RBFOX1: variants seen among roughly 807,000 people sequenced by gnomAD.
RBFOX1 encodes the protein RNA binding fox-1 homolog 1.
RBFOX1 carries 8 observed loss-of-function variants against 57.7 expected under a neutral mutation model. The observed-to-expected ratio is 0.14, with a 90% CI of 0.08 to 0.25. The LOEUF (loss-of-function observed/expected upper bound fraction) is 0.25. RBFOX1 is among the 10% of genes least tolerant of loss of function. The pLI, the probability that RBFOX1 is intolerant of heterozygous loss-of-function variation, is 1.00. For missense variants in RBFOX1, 611 were observed against 548.5 expected (o/e 1.11, Z -1.14); for synonymous variants, 326 against 222.4 (o/e 1.47, Z -4.15).
At position 5,262,134 on chromosome 16, in the gene RBFOX1, C is replaced by T. The variant is rs191883179; in HGVS notation, c.219+22029C>T. Among the ~76,000 whole-genome samples the T allele has an allele frequency of 7.0e-3, 1,070 of 152,274 alleles. 12 individuals carry two copies. Among genetic ancestry groups the T allele is most frequent in the African/African-American group, 0.025 (1,021 of 41,542 alleles). ...TAATATTTGGGGTTAGCAGGGAAGG[C>T]TTAGTTAAGAGGTAACATTTGAACT... On this transcript the variant is annotated intron_variant, in intron 1 of 2. Transcript: ENST00000585867.
At position 6,767,944 on chromosome 16, in the gene RBFOX1, TAATAAGAAGAAGAAG is replaced by T. The variant is rs1266339784; in HGVS notation, c.-16+113297_-16+113311del. On this transcript the variant is annotated intron_variant, in intron 3 of 15. Coordinates refer to ENST00000550418, the MANE Select transcript of RBFOX1 (RefSeq NM_018723.4). ...ATAATAATAATAATAATAATAATAA[TAATAAGAAGAAGAAG>T]AAGAAGAAGAAGAAGAAGAAGAAGA... Among the ~76,000 whole-genome samples the T allele has an allele frequency of 2.4e-3, 207 of 86,640 alleles. 1 individual carries two copies. In the East Asian group the frequency reaches 0.029, roughly 12 times the overall value. The allele number at this position is 86,640 out of a possible 152,430, so 56.8% of individuals were successfully genotyped here. A position where few individuals can be genotyped will look rare whatever the true frequency, so the allele number is the denominator to read the frequency against.
intron 5 of RBFOX1, among the ~76,000 whole-genome samples, chr16:7,541,387 AC>A (rs1220215066): frequency 4.6e-5 from 7 of 152,006 alleles, no homozygotes; most frequent in Admixed American, 3.3e-4. Flanking sequence ...AAGGAGCTCC[AC>A]TGATAGGAGA....
chr16:6,879,175 G>C (rs929696815), intron 3 of RBFOX1, among the ~76,000 whole-genome samples: 1 of 152,072 alleles, frequency 6.6e-6, no homozygotes, highest in Admixed American at 6.6e-5. Flanking sequence ...AAGAATATCA[G>C]CCCTTTTAAT....
chr16:6,639,556 A>G (rs2098470426), intron 2 of RBFOX1, among the ~76,000 whole-genome samples: 1 of 152,210 alleles, frequency 6.6e-6, no homozygotes, highest in Non-Finnish European at 1.5e-5. Context: ...CAAATACACA[A>G]TAATAATAAA....
chr16:5,438,209 C>G (rs12445988), intron 1 of RBFOX1, among the ~76,000 whole-genome samples: 63,894 of 152,022 alleles, frequency 0.42, 15,282 homozygotes, highest in East Asian at 0.63. Flanking sequence ...GGAAGGCTCA[C>G]TTATAGGACG....
chr16:6,354,555 A>G (rs982285073), intron 2 of RBFOX1, among the ~76,000 whole-genome samples: 4 of 151,968 alleles, frequency 2.6e-5, no homozygotes, highest in African/African-American at 4.8e-5. Flanking sequence ...ACTCCTTCCT[A>G]TGATCTCGCA....
intron 2 of RBFOX1, among the ~76,000 whole-genome samples, chr16:6,525,992 C>T (rs973897059): frequency 4.6e-5 from 7 of 152,098 alleles, no homozygotes; most frequent in African/African-American, 1.7e-4. Flanking sequence ...GTAAAAATGA[C>T]CCCAAGATAT....
intron 3 of RBFOX1, among the ~76,000 whole-genome samples, chr16:6,674,204 C>T (rs937986139): frequency 6.6e-6 from 1 of 152,134 alleles, no homozygotes; most frequent in Non-Finnish European, 1.5e-5. Flanking sequence ...CACCCCCATA[C>T]CTGTGAATGT....
At chr16:5,438,786 C>T (rs61175190) in intron 1 of RBFOX1, among the ~76,000 whole-genome samples, 4,014 of 152,142 alleles carry the variant, frequency 0.026, 148 homozygotes, top group African/African-American at 0.09. Flanking sequence ...TTGACTCATC[C>T]GTCCTGTGGG....
chr16:7,169,438 C>T (rs1164762137), intron 4 of RBFOX1, among the ~76,000 whole-genome samples: 1 of 152,156 alleles, frequency 6.6e-6, no homozygotes, highest in East Asian at 1.9e-4. Flanking sequence ...GAATCCCTGA[C>T]CTAGGGTATC....
At chr16:7,529,242 C>A (rs1567682946) in intron 5 of RBFOX1, among the ~76,000 whole-genome samples, 1 of 152,180 alleles carries the variant, frequency 6.6e-6, no homozygotes, top group Non-Finnish European at 1.5e-5. Flanking sequence ...CCCTGAGTGA[C>A]AGAATCAGAC....
chr16:5,860,323 C>T (rs545124375), intron 3 of RBFOX1, among the ~76,000 whole-genome samples: 64 of 152,132 alleles, frequency 4.2e-4, no homozygotes, highest in Non-Finnish European at 8.2e-4. Flanking sequence ...GATCCACCCG[C>T]CTCCACCTCC....
chr16:5,343,734 T>A (rs1483298401), intron 1 of RBFOX1, among the ~76,000 whole-genome samples: 2 of 152,252 alleles, frequency 1.3e-5, no homozygotes, highest in Non-Finnish European at 2.9e-5. Flanking sequence ...CTGGTGACTA[T>A]GTCCGTATGT....
At chr16:6,964,901 C>T (rs149015790) in intron 3 of RBFOX1, among the ~76,000 whole-genome samples, 2 of 152,218 alleles carry the variant, frequency 1.3e-5, no homozygotes, top group Non-Finnish European at 2.9e-5. Flanking sequence ...TCCTCCCTGA[C>T]TTAAGCCAGG....
chr16:7,246,766 T>C (rs1400691515), intron 4 of RBFOX1, among the ~76,000 whole-genome samples: 1 of 151,622 alleles, frequency 6.6e-6, no homozygotes, highest in Non-Finnish European at 1.5e-5. Context: ...AGCGCCTACG[T>C]AGCACATCCA....
At chr16:6,765,498 C>G (rs538268146) in intron 3 of RBFOX1, among the ~76,000 whole-genome samples, 1 of 151,746 alleles carries the variant, frequency 6.6e-6, no homozygotes, top group East Asian at 1.9e-4. Flanking sequence ...ATATAACAAA[C>G]CTGCACATGT....
intron 2 of RBFOX1, among the ~76,000 whole-genome samples, chr16:6,443,914 A>G (rs866630682): frequency 6.6e-6 from 1 of 152,130 alleles, no homozygotes; most frequent in Middle Eastern, 3.4e-3. Context: ...TTGAATCCCC[A>G]TTTATGTTCT....
At chr16:5,319,826 T>C (rs575551686) in intron 1 of RBFOX1, among the ~76,000 whole-genome samples, 3 of 152,308 alleles carry the variant, frequency 2.0e-5, no homozygotes, top group African/African-American at 7.2e-5. Context: ...CCAGGCTCCT[T>C]CAACTCTGTG....
chr16:5,330,258 G>A (rs920104304), intron 1 of RBFOX1, among the ~76,000 whole-genome samples: 1 of 152,124 alleles, frequency 6.6e-6, no homozygotes, highest in Admixed American at 6.5e-5. Context: ...CAAACTCAGC[G>A]AATCTAACCT....
Sources: allele counts gnomAD v4.1 joint callset (sites outside exome capture counted in the v4.1 genomes callset), GRCh38; gene constraint gnomAD v4.1.1; transcripts MANE v1.5; gene names NCBI Gene and HGNC (gene_info 2026-07-23, HGNC 2026-07-21).